Variants in MYO1D observed in about 807,000 individuals in gnomAD.
MYO1D encodes unconventional myosin-Id.
In MYO1D, 83 loss-of-function variants were observed where a neutral mutation model predicts 122.0. The ratio of observed to expected loss-of-function variants is 0.68; its 90% CI spans 0.57 to 0.82. The LOEUF is 0.82. MYO1D is among the 40% of genes least tolerant of loss of function. The pLI, the probability that MYO1D is intolerant of heterozygous loss-of-function variation, is 0.00. For missense variants in MYO1D, 1,157 were observed against 1,269.5 expected (o/e 0.91, Z 1.35); for synonymous variants, 464 against 446.9 (o/e 1.04, Z -0.48).
At chr17:32,694,188 A>G (rs1312902186) in intron 16 of MYO1D, among the ~76,000 whole-genome samples, 1 of 152,178 alleles carries the variant, frequency 6.6e-6, no homozygotes, top group Non-Finnish European at 1.5e-5. Flanking sequence ...TTTTTGCTAT[A>G]CCTATTTTCA....
In MYO1D at chr17:32,712,259, T is replaced by C. The variant is rs781274362; in HGVS notation, c.1914-64A>G. On this transcript the variant is annotated intron_variant, in intron 15 of 21. Coordinates refer to ENST00000318217, the MANE Select transcript of MYO1D (RefSeq NM_015194.3). ...ATATGGTCATCTCAATAGAAAACTATTCAATAAAATGCAAGACACCTCATA... is the reference window on the plus strand; with the variant it reads ...ATATGGTCATCTCAATAGAAAACTACTCAATAAAATGCAAGACACCTCATA... The C allele has an allele frequency of 2.2e-5, 32 of 1,424,806 alleles. No homozygotes were observed. In the South Asian group the frequency reaches 3.7e-4, roughly 17 times the overall value. The allele number at this position is 1,424,806 out of a possible 1,614,324, so 88.3% of individuals were successfully genotyped here.
Position 32,607,617 on chromosome 17 carries a change from C to A in MYO1D, c.2710-2376G>T, listed in dbSNP as rs1219090972. The stretch of plus-strand genomic sequence containing the variant: ...TTAATCTATAGATTTAATGAAATCC[C>A]AACCAAAATCCCAGCAAGATTTTTT... On this transcript the variant is annotated intron_variant, in intron 20 of 21. Coordinates refer to ENST00000318217, the MANE Select transcript of MYO1D (RefSeq NM_015194.3). 2.0e-5 allele frequency among the ~76,000 whole-genome samples: 3 copies of A among 152,064 alleles called. No individual in the cohort carries two copies. In the East Asian group the frequency reaches 5.8e-4, roughly 29 times the overall value.
chr17:32,652,808 A>C (rs180994947), intron 19 of MYO1D, among the ~76,000 whole-genome samples: 3 of 152,230 alleles, frequency 2.0e-5, no homozygotes, highest in Admixed American at 6.5e-5. Context: ...CTCTTTTTAA[A>C]ACTCAGTTCT....
intron 21 of MYO1D, among the ~76,000 whole-genome samples, chr17:32,501,053 C>G (rs1345330422): frequency 6.6e-6 from 1 of 151,628 alleles, no homozygotes; most frequent in Non-Finnish European, 1.5e-5. Context: ...GGCGGCTCCT[C>G]AGAAAGTTAA....
At chr17:32,715,319 C>T (rs2089429667) in intron 15 of MYO1D, among the ~76,000 whole-genome samples, 1 of 152,152 alleles carries the variant, frequency 6.6e-6, no homozygotes, top group African/African-American at 2.4e-5. Flanking sequence ...TGGGTATATA[C>T]CCAAAGGAAT....
At chr17:32,836,179 A>G (rs1205035896) in intron 1 of MYO1D, among the ~76,000 whole-genome samples, 2 of 152,332 alleles carry the variant, frequency 1.3e-5, no homozygotes, top group African/African-American at 4.8e-5. Flanking sequence ...ATTTTTAAGT[A>G]TTTCTAGTTG....
At chr17:32,726,046 AAAC>A (rs1205760493) in intron 14 of MYO1D, among the ~76,000 whole-genome samples, 1 of 152,224 alleles carries the variant, frequency 6.6e-6, no homozygotes, top group Non-Finnish European at 1.5e-5. Flanking sequence ...TGGTAAACAA[AAAC>A]AACATTTGTC....
chr17:32,692,784 C>T (rs952362943), intron 16 of MYO1D, among the ~76,000 whole-genome samples: 1 of 152,184 alleles, frequency 6.6e-6, no homozygotes, highest in African/African-American at 2.4e-5. Context: ...ACATATAAAT[C>T]TGAGCCCTGA....
chr17:32,869,061 A>C (rs1362712172), intron 1 of MYO1D, among the ~76,000 whole-genome samples: 3 of 151,796 alleles, frequency 2.0e-5, no homozygotes, highest in Admixed American at 6.6e-5. Flanking sequence ...ATACAAAAAA[A>C]AAAAAAAATT....
chr17:32,502,661 T>A (rs1371813150), intron 21 of MYO1D, among the ~76,000 whole-genome samples: 1 of 152,232 alleles, frequency 6.6e-6, no homozygotes, highest in African/African-American at 2.4e-5. Context: ...AAAATAATTT[T>A]AAGACTAATA....
Position 32,675,367 on chromosome 17 carries a change from A to G in MYO1D, c.2122-16029T>C, listed in dbSNP as rs80247106. Among the ~76,000 whole-genome samples, 280 of 152,322 alleles carry G rather than the reference A, an allele frequency of 1.8e-3. 2 individuals carry two copies. Among genetic ancestry groups the G allele is most frequent in the Middle Eastern group, 0.01 (3 of 294 alleles). On this transcript the variant is annotated intron_variant, in intron 16 of 21. Transcript: ENST00000318217. Reference sequence around the variant, plus strand: ...TAATCATGTTACATTCAACTTGTACATATAACTGTAACTATCTATCACTGA... The same window carrying G: ...TAATCATGTTACATTCAACTTGTACGTATAACTGTAACTATCTATCACTGA...
chr17:32,808,007 TATAA>T (rs1310683926), intron 1 of MYO1D, among the ~76,000 whole-genome samples: 1 of 152,230 alleles, frequency 6.6e-6, no homozygotes, highest in African/African-American at 2.4e-5. Flanking sequence ...CTATTGTTAC[TATAA>T]ACAATGTTAT....
intron 1 of MYO1D, among the ~76,000 whole-genome samples, chr17:32,817,436 A>T (rs1002727657): frequency 1.3e-5 from 2 of 152,208 alleles, no homozygotes; most frequent in Non-Finnish European, 2.9e-5. Flanking sequence ...AAATGCATAT[A>T]CATTCTATGC....
At chr17:32,844,970 T>C (rs576929464) in intron 1 of MYO1D, among the ~76,000 whole-genome samples, 2 of 151,874 alleles carry the variant, frequency 1.3e-5, no homozygotes, top group East Asian at 3.9e-4. Context: ...ATGTCAACAG[T>C]ACACCTTTTA....
rs144847840 is a variant in MYO1D, at chr17:32,746,922, C to G, written c.1539-1637G>C. On this transcript the variant is annotated intron_variant, in intron 12 of 21. Transcript: ENST00000318217. The stretch of plus-strand genomic sequence containing the variant: ...TCATCTGTAAAATGAAGTGGCTGGT[C>G]TAGGTCATCTCTAAGGCCTCTATCC... Among the ~76,000 whole-genome samples the G allele has an allele frequency of 4.8e-3, 732 of 152,286 alleles. 9 individuals are homozygous for G. The highest frequency in any genetic ancestry group is 0.014 in the African/African-American group (590 of 41,558).
At chr17:32,621,108 A>C (rs2087850415) in intron 20 of MYO1D, among the ~76,000 whole-genome samples, 1 of 152,162 alleles carries the variant, frequency 6.6e-6, no homozygotes, top group Admixed American at 6.5e-5. Context: ...GGGGACGTTG[A>C]ATAAGCTGTG....
At chr17:32,679,634 C>T (rs1434157187) in intron 16 of MYO1D, among the ~76,000 whole-genome samples, 1 of 152,144 alleles carries the variant, frequency 6.6e-6, no homozygotes, top group Non-Finnish European at 1.5e-5. Context: ...TGTTTTGGTA[C>T]CAGTACCATG....
In MYO1D at chr17:32,726,291, G is replaced by A. The variant is rs1331402897; in HGVS notation, c.1747-5102C>T. On this transcript the variant is annotated intron_variant, in intron 14 of 21. Coordinates refer to ENST00000318217, the MANE Select transcript of MYO1D (RefSeq NM_015194.3). Reference sequence around the variant, plus strand: ...AAAAATTAACTGGGTGTGGTGGCGTGCACCTGTAGTCCCAGCTACTTGGGA... The same window carrying A: ...AAAAATTAACTGGGTGTGGTGGCGTACACCTGTAGTCCCAGCTACTTGGGA... 5.3e-5 allele frequency among the ~76,000 whole-genome samples: 8 copies of A among 152,122 alleles called. No individual in the cohort carries two copies. The East Asian group carries it at 1.5e-3, about 29-fold the overall frequency.
intron 1 of MYO1D, among the ~76,000 whole-genome samples, chr17:32,800,071 C>G (rs1226934615): frequency 2.6e-5 from 4 of 151,944 alleles, no homozygotes; most frequent in Non-Finnish European, 5.9e-5. Flanking sequence ...AAAAGGGAAC[C>G]CTTGTACACT....
Sources: gnomAD v4.1 joint callset for allele counts (sites outside exome capture counted in the v4.1 genomes callset) on GRCh38, gnomAD v4.1.1 for gene constraint, MANE v1.5 for transcripts, NCBI Gene and HGNC (gene_info 2026-07-23, HGNC 2026-07-21) for gene names.